MND1: variants seen among roughly 807,000 people sequenced by gnomAD.
The protein encoded by MND1 is meiotic nuclear division protein 1 homolog.
In MND1, 28 loss-of-function variants were observed where a neutral mutation model predicts 35.1. That is an observed-to-expected ratio of 0.80 (90% CI 0.59 to 1.09). The LOEUF is 1.09. Among genes scored for constraint, MND1 ranks in the 50% least tolerant of loss-of-function variants. The probability of loss-of-function intolerance (pLI) is 0.00; values close to 1 mark genes in which losing one functional copy is unlikely to be tolerated. For synonymous variants in MND1, 69 were observed against 70.5 expected (o/e 0.98, Z 0.11); for missense variants, 213 against 239.6 (o/e 0.89, Z 0.73).
intron 4 of MND1, among the ~76,000 whole-genome samples, chr4:153,393,011 T>C (rs1364079583): frequency 6.6e-6 from 1 of 152,002 alleles, no homozygotes; most frequent in South Asian, 2.1e-4. Flanking sequence ...TCCCAGCTAC[T>C]GGGAGGTAGA....
At chr4:153,354,104 A>C (rs1305745019) in intron 2 of MND1, among the ~76,000 whole-genome samples, 1 of 151,860 alleles carries the variant, frequency 6.6e-6, no homozygotes, top group Non-Finnish European at 1.5e-5. Flanking sequence ...CACCACTTCA[A>C]CCAAGGCTTA....
chr4:153,368,976 G>A (rs751745911), intron 4 of MND1, among the ~76,000 whole-genome samples: 1 of 152,226 alleles, frequency 6.6e-6, no homozygotes, highest in Non-Finnish European at 1.5e-5. Flanking sequence ...GCATGGCTTA[G>A]TTGGGTACAT....
chr4:153,382,316 AC>A (rs1433292659), intron 4 of MND1, among the ~76,000 whole-genome samples: 13 of 152,122 alleles, frequency 8.5e-5, no homozygotes, highest in Non-Finnish European at 1.9e-4. Context: ...CTTTCAGATA[AC>A]CTCTAACACT....
intron 6 of MND1, among the ~76,000 whole-genome samples, chr4:153,403,485 G>A (rs1729399910): frequency 6.6e-6 from 1 of 152,182 alleles, no homozygotes; most frequent in African/African-American, 2.4e-5. Flanking sequence ...ACCAAGTAGA[G>A]ACTTAAGTGG....
intron 4 of MND1, among the ~76,000 whole-genome samples, chr4:153,390,919 A>ATGTATGTGTG (rs1554012262): frequency 1.4e-4 from 17 of 124,646 alleles, no homozygotes; most frequent in East Asian, 7.1e-4. Context: ...GTGTGTGTAT[A>ATGTATGTGTG]TGTGTGTGTG....
intron 6 of MND1, among the ~76,000 whole-genome samples, chr4:153,406,528 A>C (rs1283516633): frequency 6.6e-6 from 1 of 152,190 alleles, no homozygotes; most frequent in Non-Finnish European, 1.5e-5. Flanking sequence ...AAAAAGAAAA[A>C]AAGAAAGTAA....
chr4:153,356,282 G>A (rs1047809286), intron 3 of MND1, among the ~76,000 whole-genome samples: 16 of 152,094 alleles, frequency 1.1e-4, no homozygotes, highest in African/African-American at 2.2e-4. Flanking sequence ...TGGGCTGGGC[G>A]TGGTGGCTCA....
chr4:153,381,681 T>TA (rs1554011413), intron 4 of MND1: 4 of 22,770 alleles, frequency 1.8e-4, no homozygotes, highest in Admixed American at 5.6e-4. Context: ...TATATATATA[T>TA]ATATATATAT....
chr4:153,404,014 G>A (rs1205771284), intron 6 of MND1, among the ~76,000 whole-genome samples: 1 of 151,340 alleles, frequency 6.6e-6, no homozygotes, highest in Non-Finnish European at 1.5e-5. Flanking sequence ...AAGATTGCAA[G>A]ACATACAAAG....
intron 1 of MND1, among the ~76,000 whole-genome samples, chr4:153,348,047 A>G (rs934632388): frequency 3.9e-5 from 6 of 152,160 alleles, no homozygotes; most frequent in African/African-American, 1.2e-4. Flanking sequence ...CGGAATGTGA[A>G]CATAGAGGGT....
intron 1 of MND1, among the ~76,000 whole-genome samples, chr4:153,347,397 C>G (rs1190134474): frequency 6.6e-6 from 1 of 152,166 alleles, no homozygotes; most frequent in Non-Finnish European, 1.5e-5. Flanking sequence ...ATGATTAATT[C>G]ACCTGTTATA....
chr4:153,358,705 C>A, intron 4 of MND1, 83 bp downstream of exon 4: 1 of 1,393,724 alleles, frequency 7.2e-7, no homozygotes, highest in Non-Finnish European at 9.5e-7. Flanking sequence ...TTAGCAGTTT[C>A]TTTTGAATTT....
At chr4:153,413,982 G>C (rs1729763448) in intron 7 of MND1, among the ~76,000 whole-genome samples, 1 of 152,026 alleles carries the variant, frequency 6.6e-6, no homozygotes, top group Admixed American at 6.6e-5. Flanking sequence ...TCTGTTCTTA[G>C]TCTTAAGAGA....
chr4:153,372,054 C>T (rs145536067), intron 4 of MND1, among the ~76,000 whole-genome samples: 18 of 152,116 alleles, frequency 1.2e-4, no homozygotes, highest in Admixed American at 7.9e-4. Flanking sequence ...AGTCAGAATA[C>T]ACACAGCATA....
intron 2 of MND1, among the ~76,000 whole-genome samples, chr4:153,354,473 T>C (rs1773293047): frequency 6.6e-6 from 1 of 152,044 alleles, no homozygotes; most frequent in East Asian, 1.9e-4. Context: ...ACTAGGATGG[T>C]GGTTTTTTGT....
At chr4:153,382,241 C>T (rs1347292517) in intron 4 of MND1, among the ~76,000 whole-genome samples, 3 of 152,024 alleles carry the variant, frequency 2.0e-5, no homozygotes, top group African/African-American at 7.3e-5. Context: ...ACTTTAGATT[C>T]TAAAGAAAGC....
chr4:153,384,846 T>C (rs1370639536), intron 4 of MND1, among the ~76,000 whole-genome samples: 2 of 152,234 alleles, frequency 1.3e-5, no homozygotes, highest in African/African-American at 4.8e-5. Flanking sequence ...ACATTTCTTA[T>C]TTCCAGGTTC....
chr4:153,362,434 G>C (rs1773519656), intron 4 of MND1, among the ~76,000 whole-genome samples: 1 of 152,114 alleles, frequency 6.6e-6, no homozygotes, highest in African/African-American at 2.4e-5. Context: ...CCCGCTTTCA[G>C]TCCTGCTTCT....
At position 153,391,598 on chromosome 4, in the gene MND1, G is replaced by A. The variant is rs149204839; in HGVS notation, c.277-2664G>A. Among the ~76,000 whole-genome samples, 9 of 151,658 alleles carry A rather than the reference G, an allele frequency of 5.9e-5. No homozygotes were observed. In the East Asian group the frequency reaches 1.8e-3, roughly 30 times the overall value. On this transcript the variant is annotated intron_variant, in intron 4 of 7. Transcript: ENST00000240488. ...AAAAATTCGTCGGATGTGGTGGTGG[G>A]TGCCTGTAATCCCAGCTACTCCAGA...
Sources: allele counts gnomAD v4.1 joint callset (sites outside exome capture counted in the v4.1 genomes callset), GRCh38; gene constraint gnomAD v4.1.1; transcripts MANE v1.5; gene names NCBI Gene and HGNC (gene_info 2026-07-23, HGNC 2026-07-21).